The following DACH2 variants were observed in gnomAD, a reference collection of about 807,000 sequenced individuals.
DACH2 encodes dachshund family transcription factor 2.
DACH2 carries 17 observed loss-of-function variants against 35.8 expected under a neutral mutation model. The observed-to-expected ratio is 0.48, with a 90% CI of 0.33 to 0.71. The LOEUF is 0.71. Among genes scored for constraint, DACH2 ranks in the 30% least tolerant of loss-of-function variants. The pLI, the probability that DACH2 is intolerant of heterozygous loss-of-function variation, is 0.02. For synonymous variants in DACH2, 195 were observed against 177.3 expected (o/e 1.10, Z -0.79); for missense variants, 469 against 472.7 (o/e 0.99, Z 0.07).
chrX:86,453,392 A>G (rs2098719107), intron 2 of DACH2, among the ~76,000 whole-genome samples: 1 of 111,931 alleles, frequency 8.9e-6, no homozygotes, highest in East Asian at 2.8e-4. Flanking sequence ...TCATTGGTCT[A>G]TCTTATATTG....
chrX:86,324,830 T>G (rs1361578799), intron 1 of DACH2, among the ~76,000 whole-genome samples: 1 of 109,202 alleles, frequency 9.2e-6, no homozygotes, highest in East Asian at 2.9e-4. Flanking sequence ...ACTGTTGTCT[T>G]ATTTTAAGAA....
intron 1 of DACH2, among the ~76,000 whole-genome samples, chrX:86,290,233 T>G (rs1350004976): frequency 1.5e-5 from 1 of 67,992 alleles, no homozygotes; most frequent in Non-Finnish European, 2.7e-5. Flanking sequence ...TTGAGAAGTG[T>G]CTGTTCATGT....
At chrX:86,348,649 C>T (rs796378658) in intron 1 of DACH2, among the ~76,000 whole-genome samples, 1 of 111,408 alleles carries the variant, frequency 9.0e-6, no homozygotes, top group African/African-American at 3.3e-5. Flanking sequence ...TCGAATAAAG[C>T]CATTTTCTTC....
intron 1 of DACH2, among the ~76,000 whole-genome samples, chrX:86,337,574 G>A: frequency 8.9e-6 from 1 of 112,079 alleles, no homozygotes; most frequent in South Asian, 3.7e-4. Context: ...ACTAAACATG[G>A]AAAGGAACAA....
intron 7 of DACH2, among the ~76,000 whole-genome samples, chrX:86,774,585 TG>T (rs1328301934): frequency 2.7e-5 from 3 of 111,782 alleles, no homozygotes; most frequent in Non-Finnish European, 5.6e-5. Flanking sequence ...TGTTATATTT[TG>T]GGGGGTTTGT....
chrX:86,379,720 C>T (rs2036019188), intron 2 of DACH2, among the ~76,000 whole-genome samples: 1 of 110,953 alleles, frequency 9.0e-6, no homozygotes, highest in African/African-American at 3.3e-5. Context: ...AATCTCATTC[C>T]TTGACAAATC....
intron 1 of DACH2, among the ~76,000 whole-genome samples, chrX:86,213,362 G>A (rs6652446): frequency 0.066 from 7,340 of 110,851 alleles, 601 homozygotes; most frequent in African/African-American, 0.22. Flanking sequence ...TGAGTCGTCC[G>A]TTTTTGTAAT....
intron 1 of DACH2, among the ~76,000 whole-genome samples, chrX:86,247,039 A>G (rs761931854): frequency 8.9e-6 from 1 of 111,982 alleles, no homozygotes; most frequent in East Asian, 2.8e-4. Flanking sequence ...TTAATTTCAG[A>G]CAAAACAAAT....
At chrX:86,348,269 T>A (rs910043180) in intron 1 of DACH2, among the ~76,000 whole-genome samples, 1 of 112,222 alleles carries the variant, frequency 8.9e-6, no homozygotes, top group Non-Finnish European at 1.9e-5. Flanking sequence ...ATTAGGTTTA[T>A]GAGTGATGTG....
At chrX:86,407,208 A>G (rs894955098) in intron 2 of DACH2, among the ~76,000 whole-genome samples, 1 of 111,968 alleles carries the variant, frequency 8.9e-6, no homozygotes, top group African/African-American at 3.2e-5. Context: ...AATTGAATGA[A>G]CATGATAAAC....
chrX:86,200,635 C>CAAAA lies in DACH2; in HGVS notation c.488+51541_488+51544dup, dbSNP rs56012558. The stretch of plus-strand genomic sequence containing the variant: ...AGTGGGTAAAGGACATGAACTTTTC[C>CAAAA]AAAAAAAAAAAAAAAAAGACATATA... On this transcript the variant is annotated intron_variant, in intron 1 of 11. Coordinates refer to ENST00000373125, the MANE Select transcript of DACH2 (RefSeq NM_053281.3). Among the ~76,000 whole-genome samples, 436 of 47,260 alleles carry CAAAA rather than the reference C, an allele frequency of 9.2e-3. 10 individuals carry two copies. The highest frequency in any genetic ancestry group is 0.013 in the Non-Finnish European group (332 of 25,414). 41.0% of individuals were successfully genotyped at this position (47,260 alleles called of 115,157 possible). A position where few individuals can be genotyped will look rare whatever the true frequency, so the allele number is the denominator to read the frequency against.
In DACH2 at chrX:86,160,605, C is replaced by T. The variant is rs750097871; in HGVS notation, c.488+11497C>T. On this transcript the variant is annotated intron_variant, in intron 1 of 11. Transcript: ENST00000373125. Reference sequence around the variant, plus strand: ...AGGATGATCACCTGAGCAGTGATGCCGGCTGCTTTCATTGGTGGGCCATTT... The same window carrying T: ...AGGATGATCACCTGAGCAGTGATGCTGGCTGCTTTCATTGGTGGGCCATTT... 56 of 495,857 alleles carry T rather than the reference C, an allele frequency of 1.1e-4. No homozygotes were observed. The South Asian group carries it at 1.5e-3, about 14-fold the overall frequency. 40.9% of individuals were successfully genotyped at this position (495,857 alleles called of 1,213,427 possible).
At chrX:86,772,968 T>A (rs1307460694) in intron 7 of DACH2, among the ~76,000 whole-genome samples, 1 of 111,616 alleles carries the variant, frequency 9.0e-6, no homozygotes, top group Non-Finnish European at 1.9e-5. Flanking sequence ...ATCAGGTGCT[T>A]CCGTGGAAGT....
At chrX:86,183,578 G>A (rs1233534559) in intron 1 of DACH2, among the ~76,000 whole-genome samples, 1 of 111,436 alleles carries the variant, frequency 9.0e-6, no homozygotes, top group Non-Finnish European at 1.9e-5. Flanking sequence ...TCGGTTTGAC[G>A]GTATTTTATT....
At chrX:86,444,310 A>G (rs1171925248) in intron 2 of DACH2, among the ~76,000 whole-genome samples, 16 of 110,925 alleles carry the variant, frequency 1.4e-4, no homozygotes, top group African/African-American at 5.3e-4. Context: ...GGCTGATCTC[A>G]AACTCCTGGT....
chrX:86,250,942 T>A (rs1244929330), intron 1 of DACH2, among the ~76,000 whole-genome samples: 1 of 111,280 alleles, frequency 9.0e-6, no homozygotes, highest in East Asian at 2.8e-4. Context: ...AATTCTAAGA[T>A]AAAATAAAGT....
At chrX:86,233,363 A>G (rs2032990147) in intron 1 of DACH2, among the ~76,000 whole-genome samples, 1 of 112,115 alleles carries the variant, frequency 8.9e-6, no homozygotes, top group Admixed American at 9.5e-5. Context: ...AGAAAGAAAG[A>G]AAAGATACCA....
chrX:86,739,680 G>T (rs6623765), intron 6 of DACH2, 67 bp from the exon 7 acceptor site: 590,834 of 1,138,591 alleles, frequency 0.52, 105,277 homozygotes, highest in Middle Eastern at 0.6. Context: ...TTCAAATGTA[G>T]AGACTCAACC....
chrX:86,770,591 C>G (rs992149060), intron 7 of DACH2, among the ~76,000 whole-genome samples: 3 of 101,498 alleles, frequency 3.0e-5, no homozygotes, highest in African/African-American at 1.1e-4. Context: ...TGTTTCTCAC[C>G]TGACAGTTTC....
Sources: allele counts gnomAD v4.1 joint callset (sites outside exome capture counted in the v4.1 genomes callset), GRCh38; gene constraint gnomAD v4.1.1; transcripts MANE v1.5; gene names NCBI Gene and HGNC (gene_info 2026-07-23, HGNC 2026-07-21).